ADAM7: variants seen among roughly 807,000 people sequenced by gnomAD.
The protein encoded by ADAM7 is ADAM metallopeptidase domain 7.
Under a neutral mutation model 102.9 loss-of-function variants are expected in ADAM7, and 97 were observed. The observed-to-expected ratio is 0.94, with a 90% CI of 0.80 to 1.12. ADAM7 has a LOEUF of 1.12. Ranked by LOEUF, ADAM7 falls within the 50% of genes most tolerant of loss-of-function variation. ADAM7 has a pLI of 0.00. For missense variants in ADAM7, 991 were observed against 908.7 expected (o/e 1.09, Z -1.16); for synonymous variants, 334 against 304.4 (o/e 1.10, Z -1.01).
At chr8:24,489,398 T>A in intron 12 of ADAM7, 65 bp downstream of exon 12, 2 of 1,456,658 alleles carry the variant, frequency 1.4e-6, no homozygotes, top group Non-Finnish European at 1.8e-6. Context: ...TAGGCAGGGA[T>A]GTGGCCATTA....
chr8:24,464,007 C>A (rs199523762), intron 4 of ADAM7, 47 bp downstream of exon 4: 1 of 1,535,218 alleles, frequency 6.5e-7, no homozygotes, highest in Non-Finnish European at 9.0e-7. Context: ...AGCAGTATTT[C>A]CTGATGTGAT....
chr8:24,492,957 A>T lies in ADAM7; in HGVS notation c.1656-86A>T, dbSNP rs913047938. ...TTGGCAAGAAACCTGGATCTAGAAA[A>T]AGAGTGACCGGGAGGCTCCATTGCC... On this transcript the variant is annotated intron_variant, in intron 15 of 21. Transcript: ENST00000175238. 3.0e-6 allele frequency: 4 copies of T among 1,352,712 alleles called. No homozygotes were observed. In the South Asian group the frequency reaches 6.6e-5, roughly 22 times the overall value. 83.8% of individuals were successfully genotyped at this position (1,352,712 alleles called of 1,614,324 possible). A position where few individuals can be genotyped will look rare whatever the true frequency, so the allele number is the denominator to read the frequency against.
chr8:24,473,411 C>T (rs562466649), intron 7 of ADAM7, among the ~76,000 whole-genome samples: 1 of 152,236 alleles, frequency 6.6e-6, no homozygotes, highest in South Asian at 2.1e-4. Context: ...GGCCATGTAT[C>T]TCCAATAGGC....
At chr8:24,441,322 G>T (rs1280117270) in intron 1 of ADAM7, among the ~76,000 whole-genome samples, 162 bp downstream of exon 1, 1 of 152,192 alleles carries the variant, frequency 6.6e-6, no homozygotes, top group Non-Finnish European at 1.5e-5. Context: ...ATGCATCTGT[G>T]TAATGCCATA....
intron 8 of ADAM7, among the ~76,000 whole-genome samples, chr8:24,481,596 A>G (rs1267389299): frequency 6.6e-6 from 1 of 152,240 alleles, no homozygotes; most frequent in Admixed American, 6.5e-5. Flanking sequence ...TGTGAGGTTT[A>G]TAGGCTACAA....
chr8:24,449,395 G>T (rs530152116), intron 3 of ADAM7, among the ~76,000 whole-genome samples: 1 of 152,298 alleles, frequency 6.6e-6, no homozygotes, highest in South Asian at 2.1e-4. Flanking sequence ...GCATTTCTCT[G>T]ATGGCCAGTG....
At chr8:24,469,781 A>G (rs1819545658) in intron 7 of ADAM7, among the ~76,000 whole-genome samples, 1 of 152,208 alleles carries the variant, frequency 6.6e-6, no homozygotes, top group Non-Finnish European at 1.5e-5. Flanking sequence ...GCATACTTGA[A>G]AAACTACCTG....
At chr8:24,491,100 T>C (rs1053782256) in intron 13 of ADAM7, among the ~76,000 whole-genome samples, 1 of 152,126 alleles carries the variant, frequency 6.6e-6, no homozygotes, top group Admixed American at 6.6e-5. Flanking sequence ...CAAGTAGCAA[T>C]TGGAGGTTTA....
rs555471247 is a variant in ADAM7 at position 24,489,148 on chromosome 8, T to C, written c.1092-11T>C. On this transcript the variant is annotated splice_polypyrimidine_tract_variant and intron_variant, in intron 11 of 21. Transcript: ENST00000175238. ...TGATTAATCTTTATTTTTACCTCAT[T>C]CTATCTCTAGCATTCCTGCACTGAA... The C allele has an allele frequency of 6.2e-7, 1 of 1,600,550 alleles. No homozygotes were observed. Among genetic ancestry groups the C allele is most frequent in the African/African-American group, 1.3e-5 (1 of 74,592 alleles).
chr8:24,490,918 T>A, intron 13 of ADAM7, 30 bp downstream of exon 13: 1 of 1,606,776 alleles, frequency 6.2e-7, no homozygotes, highest in Non-Finnish European at 8.5e-7. Context: ...GAAGGTTTTT[T>A]TTTTTCAGTT....
intron 11 of ADAM7, among the ~76,000 whole-genome samples, chr8:24,487,656 A>AG (rs1488991397): frequency 6.6e-6 from 1 of 152,032 alleles, no homozygotes; most frequent in Non-Finnish European, 1.5e-5. Context: ...AGAAAAAAAA[A>AG]GAAAAGAAAA....
At chr8:24,500,987 G>A (rs1384929952) in intron 19 of ADAM7, 92 bp downstream of exon 19, 2 of 1,051,136 alleles carry the variant, frequency 1.9e-6, no homozygotes, top group African/African-American at 3.2e-5. Flanking sequence ...ATGGGGGGAA[G>A]TATAAGCTTC....
chr8:24,490,308 C>G (rs968254681), intron 12 of ADAM7: 1 of 153,150 alleles, frequency 6.5e-6, no homozygotes, highest in Non-Finnish European at 1.5e-5. Context: ...GTACCTTATC[C>G]GGCCACACTC....
intron 6 of ADAM7, chr8:24,467,291 A>G (rs113082629): frequency 1.2e-5 from 5 of 402,506 alleles, no homozygotes; most frequent in African/African-American, 6.2e-5. Flanking sequence ...TAATCTAGAG[A>G]TAGTGTCTTT....
chr8:24,485,319 A>AG lies in ADAM7; in HGVS notation c.923dup (p.Met309TyrfsTer12). On this transcript the variant is annotated frameshift_variant, in exon 10 of 22. Coordinates refer to ENST00000175238, the MANE Select transcript of ADAM7 (RefSeq NM_003817.4). LOFTEE classifies it high-confidence loss of function. ...CACATGTGCAAGGAATTTCTTATCC[A>AG]GGGGGTATGTGCCTGCCCTATTATT... 1 of 1,613,720 alleles carries AG rather than the reference A, an allele frequency of 6.2e-7. No individual in the cohort carries two copies. The highest frequency in any genetic ancestry group is 8.5e-7 in the Non-Finnish European group (1 of 1,179,778).
intron 1 of ADAM7, among the ~76,000 whole-genome samples, chr8:24,442,220 C>G (rs1189586832): frequency 1.3e-5 from 2 of 152,020 alleles, no homozygotes; most frequent in East Asian, 3.9e-4. Flanking sequence ...AGCTGCAGAA[C>G]ATGGCGAAAA....
chr8:24,472,125 A>C lies in ADAM7; in HGVS notation c.633+3305A>C, dbSNP rs1423415073. On this transcript the variant is annotated intron_variant, in intron 7 of 21. Coordinates refer to ENST00000175238, the MANE Select transcript of ADAM7 (RefSeq NM_003817.4). ...ACAACAAAGTATAAAAAGATAACAAAAAAAAAAAAAAAACAGGTTTGCCAG... is the reference window on the plus strand; with the variant it reads ...ACAACAAAGTATAAAAAGATAACAACAAAAAAAAAAAAACAGGTTTGCCAG... 3.0e-3 allele frequency among the ~76,000 whole-genome samples: 403 copies of C among 132,460 alleles called. 1 individual carries two copies. Among genetic ancestry groups the C allele is most frequent in the Admixed American group, 3.8e-3 (54 of 14,150 alleles). The allele number at this position is 132,460 out of a possible 152,430, so 86.9% of individuals were successfully genotyped here.
chr8:24,498,587 T>C (rs1820639446), intron 16 of ADAM7, among the ~76,000 whole-genome samples: 1 of 151,352 alleles, frequency 6.6e-6, no homozygotes, highest in Non-Finnish European at 1.5e-5. Flanking sequence ...TAAATATAGA[T>C]GTATTAAGTT....
At chr8:24,506,341 G>C (rs1820950661) in intron 20 of ADAM7, among the ~76,000 whole-genome samples, 1 of 152,058 alleles carries the variant, frequency 6.6e-6, no homozygotes, top group South Asian at 2.1e-4. Flanking sequence ...TTAACAGGGT[G>C]GGGGTTAGGG....
Sources: allele counts gnomAD v4.1 joint callset (sites outside exome capture counted in the v4.1 genomes callset), GRCh38; gene constraint gnomAD v4.1.1; transcripts MANE v1.5; gene names NCBI Gene and HGNC (gene_info 2026-07-23, HGNC 2026-07-21).